Variants in LMTK2 observed in about 807,000 individuals in gnomAD.
LMTK2 encodes the protein serine/threonine-protein kinase LMTK2.
Under a neutral mutation model 127.5 loss-of-function variants are expected in LMTK2, and 37 were observed. That is an observed-to-expected ratio of 0.29 (90% CI 0.22 to 0.38). LMTK2 has a LOEUF of 0.38. Among genes scored for constraint, LMTK2 ranks in the 10% least tolerant of loss-of-function variants. The probability of loss-of-function intolerance (pLI) is 1.00; values close to 1 mark genes in which losing one functional copy is unlikely to be tolerated. For missense variants in LMTK2, 1,694 were observed against 1,920.3 expected, an observed-to-expected ratio of 0.88 and a Z score of 2.20; for synonymous variants, 819 against 810.1, an observed-to-expected ratio of 1.01 and a Z score of -0.19.
Position 98,141,561 on chromosome 7 carries a change from T to G in LMTK2, c.376+20T>G. 1 of 1,607,018 alleles carries G rather than the reference T, an allele frequency of 6.2e-7. No homozygotes were observed. Among genetic ancestry groups the G allele is most frequent in the South Asian group, 1.1e-5 (1 of 90,150 alleles). On this transcript the variant is annotated intron_variant, in intron 3 of 13. Transcript: ENST00000297293. The stretch of plus-strand genomic sequence containing the variant: ...CTGTAGGTAAGACCATACAGCCTAA[T>G]GCCACGTTTTCATGAATTGTTTCTG...
In LMTK2 at chr7:98,155,821, G is replaced by T. The variant is rs534107252; in HGVS notation, c.569+945G>T. Among the ~76,000 whole-genome samples, 5 of 152,200 alleles carry T rather than the reference G, an allele frequency of 3.3e-5. No individual in the cohort carries two copies. In the South Asian group the frequency reaches 1.0e-3, roughly 32 times the overall value. ...AGAAATGATAAAAGGAGGCGTCTTG[G>T]AACATCAGAAAAGAACAAAAATATG... On this transcript the variant is annotated intron_variant, in intron 5 of 13. Transcript: ENST00000297293.
intron 7 of LMTK2, among the ~76,000 whole-genome samples, chr7:98,172,222 G>A (rs1396961360): frequency 6.6e-6 from 1 of 152,160 alleles, no homozygotes; most frequent in Non-Finnish European, 1.5e-5. Context: ...GGTAGTCAGG[G>A]GCTGCTTGTG....
intron 6 of LMTK2, among the ~76,000 whole-genome samples, chr7:98,169,346 T>C (rs1327508266): frequency 6.6e-6 from 1 of 152,266 alleles, no homozygotes; most frequent in Non-Finnish European, 1.5e-5. Context: ...TGGGCTATTA[T>C]GGAGAGAAGA....
chr7:98,134,831 A>G (rs1227923679), intron 1 of LMTK2, among the ~76,000 whole-genome samples: 1 of 152,172 alleles, frequency 6.6e-6, no homozygotes, highest in Non-Finnish European at 1.5e-5. Context: ...AAATGGACAC[A>G]AGTGTGTCTG....
intron 1 of LMTK2, among the ~76,000 whole-genome samples, chr7:98,114,087 C>CT (rs1292919810): frequency 3.9e-5 from 6 of 152,016 alleles, no homozygotes; most frequent in Non-Finnish European, 7.4e-5. Flanking sequence ...TTTTCTCTGC[C>CT]TTTTTTTCCT....
intron 11 of LMTK2, among the ~76,000 whole-genome samples, chr7:98,195,315 A>G (rs1797609580): frequency 6.6e-6 from 1 of 152,108 alleles, no homozygotes; most frequent in Non-Finnish European, 1.5e-5. Flanking sequence ...GGGTGTCTGG[A>G]GGGTGTGACA....
At chr7:98,203,838 G>A (rs537425573) in intron 12 of LMTK2, 106 bp from the exon 13 acceptor site, 26 of 1,573,502 alleles carry the variant, frequency 1.7e-5, no homozygotes, top group South Asian at 1.1e-4. Flanking sequence ...TCTGCCAGCC[G>A]GGCCGGGCTG....
chr7:98,125,621 G>A (rs1253140600), intron 1 of LMTK2, among the ~76,000 whole-genome samples: 5 of 152,140 alleles, frequency 3.3e-5, no homozygotes, highest in African/African-American at 4.8e-5. Flanking sequence ...TTTATCTTGG[G>A]CTGGATACCT....
intron 1 of LMTK2, among the ~76,000 whole-genome samples, chr7:98,119,850 A>G (rs1015312618): frequency 6.6e-6 from 1 of 152,240 alleles, no homozygotes; most frequent in South Asian, 2.1e-4. Flanking sequence ...TTGTTTTGCT[A>G]GGATAATATG....
At chr7:98,127,866 G>A (rs1481371244) in intron 1 of LMTK2, among the ~76,000 whole-genome samples, 1 of 152,132 alleles carries the variant, frequency 6.6e-6, no homozygotes, top group African/African-American at 2.4e-5. Context: ...ATTAAGGCTG[G>A]GCATGGTGGC....
At position 98,130,183 on chromosome 7, in the gene LMTK2, G is replaced by A. The variant is rs1382543981; in HGVS notation, c.104-7132G>A. 2.0e-5 allele frequency among the ~76,000 whole-genome samples: 3 copies of A among 152,074 alleles called. 1 individual carries two copies. The South Asian group carries it at 6.2e-4, about 32-fold the overall frequency. On this transcript the variant is annotated intron_variant, in intron 1 of 13. Transcript: ENST00000297293. ...TCATAGCTCATAGTAGAGAGCTGGCGGGGAGTGATGGAGTCGGGGCTGGGA... is the reference window on the plus strand; with the variant it reads ...TCATAGCTCATAGTAGAGAGCTGGCAGGGAGTGATGGAGTCGGGGCTGGGA...
chr7:98,147,300 C>T (rs1432366516), intron 3 of LMTK2, among the ~76,000 whole-genome samples: 1 of 152,044 alleles, frequency 6.6e-6, no homozygotes, highest in Non-Finnish European at 1.5e-5. Flanking sequence ...TTCACTGCAG[C>T]CTCGACTTCC....
intron 11 of LMTK2, among the ~76,000 whole-genome samples, chr7:98,202,926 G>A (rs1309955286): frequency 6.6e-6 from 1 of 152,120 alleles, no homozygotes; most frequent in Non-Finnish European, 1.5e-5. Flanking sequence ...CATACTTCCT[G>A]CAATCGCACG....
chr7:98,171,261 C>T lies in LMTK2; in HGVS notation c.658-280C>T, dbSNP rs1003485534. Among the ~76,000 whole-genome samples, 32 of 152,286 alleles carry T rather than the reference C, an allele frequency of 2.1e-4. No individual in the cohort carries two copies. Among genetic ancestry groups the T allele is most frequent in the African/African-American group, 6.5e-4 (27 of 41,550 alleles). On this transcript the variant is annotated intron_variant, in intron 6 of 13. Transcript: ENST00000297293. This position sits in a 1 kb window ranked among gnomAD's most constrained non-coding sequence, Gnocchi z 5.1. The stretch of plus-strand genomic sequence containing the variant: ...ACCTGGGAGTTTCTCTAATTCTACA[C>T]AGCATTTAGTTTAAATGTGCATCAT...
intron 6 of LMTK2, among the ~76,000 whole-genome samples, chr7:98,159,995 C>G (rs559066165): frequency 6.6e-6 from 1 of 152,248 alleles, no homozygotes; most frequent in African/African-American, 2.4e-5. Context: ...AAAGATTGTT[C>G]TTTGTGCAGT....
intron 7 of LMTK2, among the ~76,000 whole-genome samples, chr7:98,179,554 T>G (rs1021302316): frequency 8.5e-5 from 13 of 152,164 alleles, no homozygotes; most frequent in South Asian, 6.2e-4. Context: ...CACTTTTCTG[T>G]CCTCATATGG....
At chr7:98,205,258 C>T (rs1040599721) in intron 13 of LMTK2, among the ~76,000 whole-genome samples, 5 of 152,236 alleles carry the variant, frequency 3.3e-5, no homozygotes, top group African/African-American at 4.8e-5. Flanking sequence ...CCCTTAGCGC[C>T]CAGCGGGCAT....
chr7:98,171,796 G>A lies in LMTK2; in HGVS notation c.791+122G>A. ...GGCAGAATGAACCCAGCTCATGTAGGTAGAAGCGATCTCGTTCTTACCCAT... is the reference window on the plus strand; with the variant it reads ...GGCAGAATGAACCCAGCTCATGTAGATAGAAGCGATCTCGTTCTTACCCAT... On this transcript the variant is annotated intron_variant, in intron 7 of 13. Transcript: ENST00000297293. This position sits in a 1 kb window ranked among gnomAD's most constrained non-coding sequence, Gnocchi z 5.1. The A allele has an allele frequency of 1.8e-6, 2 of 1,117,238 alleles. No individual in the cohort carries two copies. The highest frequency in any genetic ancestry group is 2.4e-6 in the Non-Finnish European group (2 of 817,144). The allele number at this position is 1,117,238 out of a possible 1,614,324, so 69.2% of individuals were successfully genotyped here.
chr7:98,204,884 G>A (rs535605228), intron 13 of LMTK2, among the ~76,000 whole-genome samples: 4 of 152,308 alleles, frequency 2.6e-5, no homozygotes, highest in Admixed American at 2.6e-4. Context: ...AAGAGCACTT[G>A]ACCCCTGGAC....
Sources: allele counts gnomAD v4.1 joint callset (sites outside exome capture counted in the v4.1 genomes callset), GRCh38; gene constraint gnomAD v4.1.1; non-coding constraint Gnocchi (gnomAD v3.1); transcripts MANE v1.5; gene names NCBI Gene and HGNC (gene_info 2026-07-23, HGNC 2026-07-21).